HPF1: variants seen among roughly 807,000 people sequenced by gnomAD.
HPF1 encodes UPF0609 protein C4orf27.
HPF1 carries 35 observed loss-of-function variants against 38.8 expected under a neutral mutation model. The observed-to-expected ratio is 0.90, with a 90% CI of 0.69 to 1.19. HPF1 has a LOEUF of 1.19. HPF1 is among the 50% of genes most tolerant of loss of function. HPF1 has a pLI of 0.00. For synonymous variants in HPF1, 115 were observed against 139.2 expected, an observed-to-expected ratio of 0.83 and a Z score of 1.22; for missense variants, 367 against 405.8, an observed-to-expected ratio of 0.90 and a Z score of 0.82.
Position 169,731,701 on chromosome 4 carries a change from C to T in HPF1, c.909+3G>A, listed in dbSNP as rs1301211408. 3 of 1,509,792 alleles carry T rather than the reference C, an allele frequency of 2.0e-6. No homozygotes were observed. Among genetic ancestry groups the T allele is most frequent in the South Asian group, 2.7e-5 (2 of 73,868 alleles). The allele number at this position is 1,509,792 out of a possible 1,614,324, so 93.5% of individuals were successfully genotyped here. On this transcript the variant is annotated splice_donor_region_variant and intron_variant, in intron 7 of 7. Coordinates refer to ENST00000393381, the MANE Select transcript of HPF1 (RefSeq NM_017867.3). The stretch of plus-strand genomic sequence containing the variant: ...GTAGAAGGTGGAGGGTTTTTTTACT[C>T]ACATGTGAGCCATAGCAAAAGAGAT...
At chr4:169,731,956 G>A (rs1733835851) in intron 6 of HPF1, 80 bp from the exon 7 acceptor site, 1 of 1,238,342 alleles carries the variant, frequency 8.1e-7, no homozygotes. Context: ...AGATTATAAA[G>A]AGGGTTTTTC....
intron 2 of HPF1, among the ~76,000 whole-genome samples, chr4:169,753,028 G>A (rs11132812): frequency 1.7e-3 from 174 of 103,920 alleles, no homozygotes; most frequent in Non-Finnish European, 2.4e-3. Context: ...CCTTGGTTAG[G>A]TTTTTTTTTT....
At chr4:169,743,067 C>T (rs925040634) in intron 4 of HPF1, among the ~76,000 whole-genome samples, 2 of 151,858 alleles carry the variant, frequency 1.3e-5, no homozygotes, top group African/African-American at 4.8e-5. Flanking sequence ...CGAGATCGTG[C>T]CACTGCACTT....
chr4:169,745,304 T>C (rs7693367), intron 4 of HPF1, among the ~76,000 whole-genome samples: 16,664 of 152,246 alleles, frequency 0.11, 2,436 homozygotes, highest in African/African-American at 0.34. Context: ...GGGCACGGCC[T>C]GGCCACCATC....
chr4:169,739,217 T>C (rs1269669525), intron 5 of HPF1, among the ~76,000 whole-genome samples: 1 of 151,950 alleles, frequency 6.6e-6, no homozygotes, highest in East Asian at 1.9e-4. Context: ...GTTGACTATA[T>C]AAAAATAAAA....
chr4:169,751,967 C>T (rs1244324718), intron 2 of HPF1, among the ~76,000 whole-genome samples: 2 of 152,114 alleles, frequency 1.3e-5, no homozygotes, highest in Non-Finnish European at 2.9e-5. Flanking sequence ...TTTTGTCCTC[C>T]ATCCTGTCCC....
At chr4:169,748,372 CTTTG>C (rs1375586853) in intron 4 of HPF1, among the ~76,000 whole-genome samples, 17 of 151,352 alleles carry the variant, frequency 1.1e-4, no homozygotes, top group African/African-American at 4.1e-4. Flanking sequence ...CTCAAATCCG[CTTTG>C]TTTTTTTTTT....
chr4:169,748,958 C>CT (rs369228807), intron 3 of HPF1, 116 bp from the exon 4 acceptor site: 8,676 of 461,136 alleles, frequency 0.019, 8 homozygotes, highest in South Asian at 0.035. Flanking sequence ...TTTTGGAGGC[C>CT]TTTTTTTTTT....
chr4:169,729,767 C>A lies in HPF1; in HGVS notation c.910-58G>T, dbSNP rs370241692. ...ATATAGCAGATATCCTAATAAGTAG[C>A]AGAAAATATATCAACAAAGCACTTG... On this transcript the variant is annotated intron_variant, in intron 7 of 7. Coordinates refer to ENST00000393381, the MANE Select transcript of HPF1 (RefSeq NM_017867.3). 7.7e-4 allele frequency: 943 copies of A among 1,219,054 alleles called. 12 individuals carry two copies. The South Asian group carries it at 0.017, about 22-fold the overall frequency. The allele number at this position is 1,219,054 out of a possible 1,614,324, so 75.5% of individuals were successfully genotyped here.
At position 169,729,516 on chromosome 4, in the gene HPF1, CAA is replaced by C; in HGVS notation, c.*60_*61del. On this transcript the variant is annotated 3_prime_UTR_variant, in exon 8 of 8. Coordinates refer to ENST00000393381, the MANE Select transcript of HPF1 (RefSeq NM_017867.3). ...TTTTTTGTATTCCTTAAAAACAAAACAAAAATCACAAGTTTAATACTAGTCCT... is the reference window on the plus strand; with the variant it reads ...TTTTTTGTATTCCTTAAAAACAAAACAAATCACAAGTTTAATACTAGTCCT... 1 of 1,284,780 alleles carries C rather than the reference CAA, an allele frequency of 7.8e-7. No individual in the cohort carries two copies. Among genetic ancestry groups the C allele is most frequent in the Non-Finnish European group, 1.0e-6 (1 of 988,272 alleles). 79.6% of individuals were successfully genotyped at this position (1,284,780 alleles called of 1,614,324 possible).
At chr4:169,744,956 AC>A in intron 4 of HPF1, among the ~76,000 whole-genome samples, 1 of 20,384 alleles carries the variant, frequency 4.9e-5, no homozygotes, top group Non-Finnish European at 1.4e-4. Context: ...TACTGACTGT[AC>A]AATAAGAAAA....
At chr4:169,747,294 C>A (rs1734061883) in intron 4 of HPF1, among the ~76,000 whole-genome samples, 1 of 151,496 alleles carries the variant, frequency 6.6e-6, no homozygotes, top group African/African-American at 2.4e-5. Context: ...TTATAAATTA[C>A]AAATACCAAG....
At position 169,742,120 on chromosome 4, in the gene HPF1, T is replaced by C. The variant is rs778718237; in HGVS notation, c.498-13A>G. 6.2e-7 allele frequency: 1 copy of C among 1,607,082 alleles called. No homozygotes were observed. The highest frequency in any genetic ancestry group is 8.5e-7 in the Non-Finnish European group (1 of 1,177,722). On this transcript the variant is annotated splice_polypyrimidine_tract_variant and intron_variant, in intron 4 of 7. Coordinates refer to ENST00000393381, the MANE Select transcript of HPF1 (RefSeq NM_017867.3). ...CGTCAAAAATAATCTGAAAAAGAAG[T>C]AAAAGTCCGCATTATGTGGCAGGCC...
chr4:169,733,768 C>T (rs1192179918), intron 6 of HPF1, among the ~76,000 whole-genome samples: 1 of 151,778 alleles, frequency 6.6e-6, no homozygotes, highest in Non-Finnish European at 1.5e-5. Flanking sequence ...TGGTGGTGGA[C>T]ACCTGTAGTC....
At chr4:169,750,785 A>T in intron 2 of HPF1, 60 bp from the exon 3 acceptor site, 1 of 1,255,920 alleles carries the variant, frequency 8.0e-7, no homozygotes, top group Non-Finnish European at 1.1e-6. Flanking sequence ...TAATGCTTTT[A>T]TTTAGTAAAC....
intron 3 of HPF1, among the ~76,000 whole-genome samples, chr4:169,750,283 G>C (rs1477175369): frequency 6.6e-6 from 1 of 152,000 alleles, no homozygotes; most frequent in Non-Finnish European, 1.5e-5. Context: ...ATCTTTCTTG[G>C]GCCAAAAGAG....
chr4:169,754,565 T>C (rs1042901350), intron 1 of HPF1, among the ~76,000 whole-genome samples: 1 of 152,226 alleles, frequency 6.6e-6, no homozygotes, highest in African/African-American at 2.4e-5. Flanking sequence ...GATAAATTTC[T>C]GTAAAGACAA....
chr4:169,730,823 A>T (rs1023023707), intron 7 of HPF1, among the ~76,000 whole-genome samples: 6 of 152,190 alleles, frequency 3.9e-5, no homozygotes, highest in African/African-American at 1.4e-4. Context: ...GCATTTTAAC[A>T]ATGTCTGCAG....
chr4:169,747,898 G>A (rs1734069324), intron 4 of HPF1, among the ~76,000 whole-genome samples: 1 of 152,198 alleles, frequency 6.6e-6, no homozygotes, highest in Admixed American at 6.5e-5. Context: ...GCTTCACGGG[G>A]GCTGAGAGGC....
Sources: gnomAD v4.1 joint callset for allele counts (sites outside exome capture counted in the v4.1 genomes callset) on GRCh38, gnomAD v4.1.1 for gene constraint, MANE v1.5 for transcripts, NCBI Gene and HGNC (gene_info 2026-07-23, HGNC 2026-07-21) for gene names.